CFAP74: variants seen among roughly 807,000 people sequenced by gnomAD.
The protein encoded by CFAP74 is cilia and flagella associated protein 74.
A neutral mutation model predicts 188.9 loss-of-function variants in CFAP74; 124 were observed. The observed-to-expected ratio is 0.66, with a 90% CI of 0.57 to 0.76. The LOEUF is 0.76. Among genes scored for constraint, CFAP74 ranks in the 30% least tolerant of loss-of-function variants. The pLI is 0.00. For synonymous variants in CFAP74, 956 were observed against 916.7 expected, an observed-to-expected ratio of 1.04 and a Z score of -0.77; for missense variants, 2,198 against 2,165.2, an observed-to-expected ratio of 1.02 and a Z score of -0.30.
rs1656239356 is a variant in CFAP74 at position 1,973,652 on chromosome 1, T to G, written c.674+373A>C. Among the ~76,000 whole-genome samples, 3 of 146,860 alleles carry G rather than the reference T, an allele frequency of 2.0e-5. No homozygotes were observed. The highest frequency in any genetic ancestry group is 2.2e-4 in the South Asian group (1 of 4,636). The stretch of plus-strand genomic sequence containing the variant: ...ACGCAGGTGGGGGCCGTGGGAGGGG[T>G]GCAAAGGAGCAGCCAGAGGTGGGGA... On this transcript the variant is annotated intron_variant, in intron 7 of 38. Transcript: ENST00000682832. This position sits in a 1 kb window ranked among gnomAD's most constrained non-coding sequence, Gnocchi z 6.2.
At chr1:1,966,601 C>T in intron 11 of CFAP74, 75 bp from the exon 12 acceptor site, 1 of 1,350,022 alleles carries the variant, frequency 7.4e-7, no homozygotes, top group Non-Finnish European at 9.7e-7. Flanking sequence ...GGCCCAGCCC[C>T]CGCCGGTATG....
At chr1:1,955,072 C>T (rs977946790) in intron 18 of CFAP74, 1 of 695,122 alleles carries the variant, frequency 1.4e-6, no homozygotes, top group Non-Finnish European at 1.8e-6. Context: ...CGGCTCACAC[C>T]GGAAGTGCGG....
chr1:1,951,653 C>T (rs61123457), intron 18 of CFAP74, among the ~76,000 whole-genome samples: 3 of 152,076 alleles, frequency 2.0e-5, no homozygotes, highest in Admixed American at 6.5e-5. Context: ...GTTATAATCA[C>T]CTTGTCAATT....
chr1:1,936,892 G>A (rs1652934273), intron 25 of CFAP74, among the ~76,000 whole-genome samples: 1 of 141,954 alleles, frequency 7.0e-6, no homozygotes. Context: ...GGGTGACAGA[G>A]CAAGACCCTG....
At position 1,966,450 on chromosome 1, in the gene CFAP74, G is replaced by C. The variant is rs61734007; in HGVS notation, c.1322C>G (p.Pro441Arg). The part of the protein sequence containing the change: ...VVSSELIQGD[P>R]GASSEEETLA... ...CGTTTCCTCCTCTGAGCTGGCCCCG[G>C]GGTCCCCCTGGATAAGCTCACTGGA... Residue 441 changes from proline (P) to arginine (R), a missense_variant, in exon 12 of 39, where the codon CCC becomes CGC. By Grantham distance (103) the Pro-to-Arg change is moderately radical. Transcript: ENST00000682832. 4.9e-3 allele frequency: 7,830 copies of C among 1,606,620 alleles called. 341 individuals are homozygous for C. In the African/African-American group the frequency reaches 0.094, roughly 19 times the overall value.
At position 1,924,368 on chromosome 1, in the gene CFAP74, CCCACCCCCCACCCCCCGCTCACCGA is replaced by C; in HGVS notation, c.4232_4234+22del. The C allele has an allele frequency of 1.0e-5, 2 of 195,766 alleles. No individual in the cohort carries two copies. The highest frequency in any genetic ancestry group is 1.8e-5 in the Non-Finnish European group (2 of 111,156). 12.1% of individuals were successfully genotyped at this position (195,766 alleles called of 1,614,324 possible). A position where few individuals can be genotyped will look rare whatever the true frequency, so the allele number is the denominator to read the frequency against. On this transcript the variant is annotated splice_donor_variant and splice_donor_5th_base_variant and coding_sequence_variant and intron_variant, in exon 34 of 39. Transcript: ENST00000682832. LOFTEE classifies it high-confidence loss of function. The stretch of plus-strand genomic sequence containing the variant: ...CACCGCCCACCCCCGCAGCTCACCA[CCCACCCCCCACCCCCCGCTCACCGA>C]CCACCTCCGTCCTCTGGGAGGGCGA...
intron 3 of CFAP74, 97 bp from the exon 4 acceptor site, chr1:1,988,752 C>A: frequency 6.7e-7 from 1 of 1,500,436 alleles, no homozygotes; most frequent in South Asian, 1.2e-5. Context: ...GACAGTTCTG[C>A]TTCAGGGCGG....
chr1:1,986,156 G>A (rs1255846043), intron 5 of CFAP74, among the ~76,000 whole-genome samples: 3 of 152,164 alleles, frequency 2.0e-5, no homozygotes, highest in Admixed American at 6.5e-5. Context: ...AGGCCGAGGC[G>A]GGTGGATCAC....
chr1:1,968,604 G>C lies in CFAP74; in HGVS notation c.1245+31C>G, dbSNP rs979268298. Reference sequence around the variant, plus strand: ...CCCACCTGCCCTCCACAGGTGTGCGGCTTCTGTCTACAGGAAGGCGTTTTG... The same window carrying C: ...CCCACCTGCCCTCCACAGGTGTGCGCCTTCTGTCTACAGGAAGGCGTTTTG... On this transcript the variant is annotated intron_variant, in intron 11 of 38. Transcript: ENST00000682832. This position sits in a 1 kb window ranked among gnomAD's most constrained non-coding sequence, Gnocchi z 4.3. The C allele has an allele frequency of 6.3e-6, 10 of 1,592,614 alleles. No homozygotes were observed. Among genetic ancestry groups the C allele is most frequent in the Non-Finnish European group, 8.6e-6 (10 of 1,163,192 alleles).
At chr1:1,928,350 G>A (rs35875735) in intron 27 of CFAP74, among the ~76,000 whole-genome samples, 2 of 149,148 alleles carry the variant, frequency 1.3e-5, no homozygotes, top group Non-Finnish European at 1.5e-5. Context: ...GGGCAAACCC[G>A]TGGGAGGAAG....
rs1486283598 is a variant in CFAP74, at chr1:1,973,767, GC to G, written c.674+257del. The stretch of plus-strand genomic sequence containing the variant: ...GTCTTGCTGGAGCGTGGCTTTAGTA[GC>G]CAGCTTTAGCGGCTGTATGGTGGCT... On this transcript the variant is annotated intron_variant, in intron 7 of 38. Coordinates refer to ENST00000682832, the MANE Select transcript of CFAP74 (RefSeq NM_001304360.2). The surrounding 1 kb of genome is among the most constrained non-coding windows in gnomAD (Gnocchi z 6.2). Among the ~76,000 whole-genome samples the G allele has an allele frequency of 5.3e-5, 8 of 152,206 alleles. No homozygotes were observed. The East Asian group carries it at 1.6e-3, about 29-fold the overall frequency.
intron 18 of CFAP74, among the ~76,000 whole-genome samples, chr1:1,949,366 C>A (rs1012248849): frequency 2.0e-5 from 3 of 151,920 alleles, no homozygotes; most frequent in Non-Finnish European, 4.4e-5. Flanking sequence ...TGCCATGTTG[C>A]CCAGGCTGGT....
At chr1:1,924,163 C>T (rs1347974083) in intron 34 of CFAP74, among the ~76,000 whole-genome samples, 1 of 34,706 alleles carries the variant, frequency 2.9e-5, no homozygotes, top group Non-Finnish European at 6.4e-5. Flanking sequence ...GCTCACCGCC[C>T]ACCCCCCACC....
chr1:1,996,545 A>C (rs1160058277), intron 1 of CFAP74, among the ~76,000 whole-genome samples: 1 of 152,178 alleles, frequency 6.6e-6, no homozygotes, highest in African/African-American at 2.4e-5. Context: ...TAAACATACG[A>C]AAAAATAGAG....
chr1:1,951,396 C>T (rs1156244178), intron 18 of CFAP74, among the ~76,000 whole-genome samples: 2 of 152,176 alleles, frequency 1.3e-5, no homozygotes, highest in Non-Finnish European at 2.9e-5. Flanking sequence ...GTTATGGCCT[C>T]ACTTGTTGAA....
In CFAP74 at chr1:1,973,144, G is replaced by T; in HGVS notation, c.675-97C>A. The T allele has an allele frequency of 1.2e-6, 1 of 859,582 alleles. No homozygotes were observed. The highest frequency in any genetic ancestry group is 1.5e-5 in the South Asian group (1 of 65,362). The allele number at this position is 859,582 out of a possible 1,614,324, so 53.2% of individuals were successfully genotyped here. ...CTGGAGCTCGTGTCCCAGAGACGCC[G>T]TGGGCCCTTTCGCTCAGCTCTGTCC... On this transcript the variant is annotated intron_variant, in intron 7 of 38. Coordinates refer to ENST00000682832, the MANE Select transcript of CFAP74 (RefSeq NM_001304360.2). The surrounding 1 kb of genome is among the most constrained non-coding windows in gnomAD (Gnocchi z 6.2).
At chr1:1,980,534 A>G (rs1656770063) in intron 6 of CFAP74, among the ~76,000 whole-genome samples, 6 of 152,240 alleles carry the variant, frequency 3.9e-5, no homozygotes, top group Admixed American at 3.9e-4. Context: ...GGACCTGCGC[A>G]GGCGCTGAGG....
In CFAP74 at chr1:1,939,781, G is replaced by A; in HGVS notation, c.2704-14C>T. The A allele has an allele frequency of 6.5e-7, 1 of 1,528,450 alleles. No homozygotes were observed. Among genetic ancestry groups the A allele is most frequent in the South Asian group, 1.2e-5 (1 of 83,942 alleles). 94.7% of individuals were successfully genotyped at this position (1,528,450 alleles called of 1,614,324 possible). A position where few individuals can be genotyped will look rare whatever the true frequency, so the allele number is the denominator to read the frequency against. ...CACTGGCTTGTTCTGAGACATAAAG[G>A]GCACAGGCGCCCTCGCAGCCACTCG... On this transcript the variant is annotated splice_polypyrimidine_tract_variant and intron_variant, in intron 23 of 38. Coordinates refer to ENST00000682832, the MANE Select transcript of CFAP74 (RefSeq NM_001304360.2).
intron 25 of CFAP74, among the ~76,000 whole-genome samples, chr1:1,936,637 C>T (rs1652917455): frequency 6.6e-6 from 1 of 152,186 alleles, no homozygotes; most frequent in South Asian, 2.1e-4. Context: ...CGCACAGTGG[C>T]TCACGCCTGT....
Sources: gnomAD v4.1 joint callset for allele counts (sites outside exome capture counted in the v4.1 genomes callset) on GRCh38, gnomAD v4.1.1 for gene constraint, Gnocchi (gnomAD v3.1) non-coding constraint, MANE v1.5 for transcripts, NCBI Gene and HGNC (gene_info 2026-07-23, HGNC 2026-07-21) for gene names.